The following GRID2 variants were observed in gnomAD, a reference collection of about 807,000 sequenced individuals.
GRID2 encodes the protein glutamate ionotropic receptor delta type subunit 2, also known as glutamate receptor ionotropic, delta-2.
GRID2 carries 33 observed loss-of-function variants against 114.8 expected under a neutral mutation model. The ratio of observed to expected loss-of-function variants is 0.29; its 90% CI spans 0.22 to 0.38. The LOEUF is 0.38. Among genes scored for constraint, GRID2 ranks in the 10% least tolerant of loss-of-function variants. The probability of loss-of-function intolerance (pLI) is 1.00; values close to 1 mark genes in which losing one functional copy is unlikely to be tolerated. For missense variants in GRID2, 1,184 were observed against 1,257.7 expected (o/e 0.94, Z 0.89); for synonymous variants, 505 against 449.9 (o/e 1.12, Z -1.55).
At position 93,455,657 on chromosome 4, in the gene GRID2, C is replaced by A; in HGVS notation, c.1546-5C>A. 6.3e-7 allele frequency: 1 copy of A among 1,597,706 alleles called. No individual in the cohort carries two copies. The highest frequency in any genetic ancestry group is 8.6e-7 in the Non-Finnish European group (1 of 1,165,796). ...AATGTATTCCTTTCTCTTTCAATTT[C>A]TCAGAGAGCCGACATAGGGATTTCT... On this transcript the variant is annotated splice_region_variant and splice_polypyrimidine_tract_variant and intron_variant, in intron 10 of 15. Transcript: ENST00000282020.
chr4:92,777,415 T>A (rs114358290), intron 2 of GRID2, among the ~76,000 whole-genome samples: 3,000 of 152,124 alleles, frequency 0.02, 40 homozygotes, highest in Non-Finnish European at 0.032. Context: ...CCAGTCCAAA[T>A]CCACTTAAAA....
At chr4:92,998,756 T>G (rs956216019) in intron 2 of GRID2, among the ~76,000 whole-genome samples, 17 of 151,850 alleles carry the variant, frequency 1.1e-4, no homozygotes, top group African/African-American at 4.1e-4. Context: ...TTTCTTTTTC[T>G]TCTAAAACCC....
intron 8 of GRID2, among the ~76,000 whole-genome samples, chr4:93,384,353 A>G (rs560849786): frequency 6.6e-6 from 1 of 152,146 alleles, no homozygotes; most frequent in African/African-American, 2.4e-5. Context: ...ATCTGTGGCC[A>G]TCTTGCAGGC....
At chr4:93,331,101 C>T (rs1487686448) in intron 8 of GRID2, among the ~76,000 whole-genome samples, 3 of 151,778 alleles carry the variant, frequency 2.0e-5, no homozygotes, top group Non-Finnish European at 2.9e-5. Context: ...AATAATACAA[C>T]AGCCTCAGTG....
At chr4:93,540,387 A>G (rs1732543465) in intron 13 of GRID2, among the ~76,000 whole-genome samples, 1 of 152,082 alleles carries the variant, frequency 6.6e-6, no homozygotes, top group Non-Finnish European at 1.5e-5. Flanking sequence ...CTATTGCAAT[A>G]GAGACTTTTG....
intron 13 of GRID2, among the ~76,000 whole-genome samples, chr4:93,568,844 T>C (rs1455324401): frequency 6.6e-6 from 1 of 152,142 alleles, no homozygotes; most frequent in Non-Finnish European, 1.5e-5. Context: ...TGAGTTGGCA[T>C]GTTATGTATA....
chr4:93,230,697 C>T (rs1033412970), intron 7 of GRID2, among the ~76,000 whole-genome samples: 2 of 151,870 alleles, frequency 1.3e-5, no homozygotes, highest in African/African-American at 4.8e-5. Context: ...TGTCTGTGTA[C>T]TTTACCATTT....
intron 2 of GRID2, among the ~76,000 whole-genome samples, chr4:92,702,079 A>T (rs1013855792): frequency 1.3e-5 from 2 of 152,166 alleles, no homozygotes; most frequent in African/African-American, 4.8e-5. Flanking sequence ...TTGTTTGTTC[A>T]ATGATTAAAG....
intron 4 of GRID2, among the ~76,000 whole-genome samples, chr4:93,201,424 T>A (rs1742094251): frequency 6.6e-6 from 1 of 152,200 alleles, no homozygotes; most frequent in Non-Finnish European, 1.5e-5. Context: ...TCTAGCCACT[T>A]GTTCCAGCGT....
chr4:93,488,573 C>T (rs1726643946), intron 11 of GRID2, among the ~76,000 whole-genome samples: 1 of 151,938 alleles, frequency 6.6e-6, no homozygotes, highest in South Asian at 2.1e-4. Flanking sequence ...TTTATTTCCA[C>T]CGTGAGTATA....
chr4:93,671,554 G>T (rs1001693706), intron 14 of GRID2, among the ~76,000 whole-genome samples: 1 of 152,054 alleles, frequency 6.6e-6, no homozygotes, highest in Admixed American at 6.5e-5. Flanking sequence ...CAGTTTCCCC[G>T]TCTATGAAAT....
chr4:92,365,131 C>G (rs1285386827), intron 1 of GRID2, among the ~76,000 whole-genome samples: 1 of 152,040 alleles, frequency 6.6e-6, no homozygotes, highest in Non-Finnish European at 1.5e-5. Context: ...GCAAATCCAT[C>G]TCTTGGAATT....
chr4:92,919,660 T>C (rs968049133), intron 2 of GRID2, among the ~76,000 whole-genome samples: 1 of 152,102 alleles, frequency 6.6e-6, no homozygotes, highest in Non-Finnish European at 1.5e-5. Flanking sequence ...AGTTGAGCGG[T>C]TTTGAGTGAG....
chr4:93,170,383 C>A (rs974310509), intron 4 of GRID2, among the ~76,000 whole-genome samples: 8 of 151,946 alleles, frequency 5.3e-5, no homozygotes, highest in African/African-American at 4.8e-5. Flanking sequence ...TGTGCTGGGC[C>A]CCCCCCTTTT....
intron 1 of GRID2, among the ~76,000 whole-genome samples, chr4:92,465,529 A>C (rs1344350940): frequency 6.6e-6 from 1 of 152,114 alleles, no homozygotes; most frequent in East Asian, 1.9e-4. Context: ...GTAGCAATAA[A>C]AAACTAGTAG....
At chr4:93,679,535 A>T (rs921379018) in intron 14 of GRID2, among the ~76,000 whole-genome samples, 19 of 150,686 alleles carry the variant, frequency 1.3e-4, no homozygotes, top group Non-Finnish European at 1.8e-4. Context: ...GAAGTAAAGC[A>T]CTCCTCAGCA....
At chr4:93,075,883 C>CTCTTTTTTTTTTTTTTTTT (rs1490779668) in intron 2 of GRID2, among the ~76,000 whole-genome samples, 1 of 76,606 alleles carries the variant, frequency 1.3e-5, no homozygotes, top group African/African-American at 5.3e-5. Flanking sequence ...AGTTACCTCT[C>CTCTTTTTTTTTTTTTTTTT]TTTTTTTTTT....
chr4:93,493,957 C>G (rs1310645024), intron 12 of GRID2, among the ~76,000 whole-genome samples: 4 of 151,692 alleles, frequency 2.6e-5, no homozygotes, highest in African/African-American at 9.7e-5. Context: ...ATGAGAGAAT[C>G]AGAGCCAAAT....
intron 10 of GRID2, among the ~76,000 whole-genome samples, chr4:93,423,397 G>C (rs1768523428): frequency 7.8e-6 from 1 of 127,930 alleles, no homozygotes; most frequent in Non-Finnish European, 1.5e-5. Context: ...CTCCAGGCTG[G>C]AGTGCAGTGG....
Sources: allele counts gnomAD v4.1 joint callset (sites outside exome capture counted in the v4.1 genomes callset), GRCh38; gene constraint gnomAD v4.1.1; transcripts MANE v1.5; gene names NCBI Gene and HGNC (gene_info 2026-07-23, HGNC 2026-07-21).